Variants in NKAIN2 observed in about 807,000 individuals in gnomAD.
NKAIN2 encodes the protein sodium/potassium-transporting ATPase subunit beta-1-interacting protein 2.
In NKAIN2, 14 loss-of-function variants were observed where a neutral mutation model predicts 32.6. The observed-to-expected ratio is 0.43, with a 90% CI of 0.28 to 0.67. The LOEUF (loss-of-function observed/expected upper bound fraction) is 0.67, where lower values mean the gene tolerates loss of function less well. Ranked by LOEUF, NKAIN2 falls within the 30% of genes least tolerant of loss-of-function variation. The pLI, the probability that NKAIN2 is intolerant of heterozygous loss-of-function variation, is 0.17. For synonymous variants in NKAIN2, 80 were observed against 87.2 expected (o/e 0.92, Z 0.46); for missense variants, 198 against 258.3 (o/e 0.77, Z 1.60).
intron 3 of NKAIN2, among the ~76,000 whole-genome samples, chr6:124,447,961 G>A (rs149897888): frequency 6.6e-6 from 1 of 152,094 alleles, no homozygotes; most frequent in East Asian, 1.9e-4. Context: ...ATGTGTGAAG[G>A]GATACAGTAT....
chr6:124,486,984 G>C (rs1777677743), intron 3 of NKAIN2, among the ~76,000 whole-genome samples: 1 of 152,152 alleles, frequency 6.6e-6, no homozygotes, highest in South Asian at 2.1e-4. Flanking sequence ...GTTGGCTCGA[G>C]ACTGGGTTAA....
chr6:124,800,275 G>A (rs905842854), intron 5 of NKAIN2, among the ~76,000 whole-genome samples: 1 of 152,152 alleles, frequency 6.6e-6, no homozygotes, highest in Non-Finnish European at 1.5e-5. Context: ...CAGCAGGAGG[G>A]CTAAGAAACA....
At chr6:123,851,246 T>TA (rs1775333273) in intron 1 of NKAIN2, among the ~76,000 whole-genome samples, 1 of 118,530 alleles carries the variant, frequency 8.4e-6, no homozygotes, top group Admixed American at 8.4e-5. Flanking sequence ...GTGGTTCTAT[T>TA]TTTTTTTTTT....
chr6:124,620,800 C>T (rs1168480258), intron 3 of NKAIN2, among the ~76,000 whole-genome samples: 1 of 152,102 alleles, frequency 6.6e-6, no homozygotes, highest in African/African-American at 2.4e-5. Context: ...TAAATGAGCA[C>T]AGCCTACCCA....
chr6:124,249,472 G>T (rs189812151), intron 1 of NKAIN2, among the ~76,000 whole-genome samples: 16 of 152,144 alleles, frequency 1.1e-4, no homozygotes, highest in African/African-American at 3.6e-4. Flanking sequence ...TCAATTTATG[G>T]TCCAGGTTCT....
chr6:124,181,386 T>A (rs998733288), intron 1 of NKAIN2, among the ~76,000 whole-genome samples: 19 of 152,182 alleles, frequency 1.2e-4, no homozygotes, highest in African/African-American at 4.6e-4. Context: ...GATTAACATT[T>A]GGCCCCTCAT....
chr6:124,781,057 C>T (rs1181374117), intron 4 of NKAIN2, among the ~76,000 whole-genome samples: 1 of 152,118 alleles, frequency 6.6e-6, no homozygotes, highest in Admixed American at 6.5e-5. Context: ...TCCAGATTTC[C>T]GACTTGGAAA....
chr6:124,213,056 T>A (rs960959627), intron 1 of NKAIN2, among the ~76,000 whole-genome samples: 1 of 152,180 alleles, frequency 6.6e-6, no homozygotes, highest in Non-Finnish European at 1.5e-5. Context: ...CTTCTCTCTC[T>A]GTATCTAAGT....
intron 3 of NKAIN2, among the ~76,000 whole-genome samples, chr6:124,460,332 G>C (rs1776483681): frequency 6.6e-6 from 1 of 151,680 alleles, no homozygotes; most frequent in Admixed American, 6.6e-5. Flanking sequence ...TAATGAGGTG[G>C]TCACAACTGC....
At chr6:124,729,910 C>A (rs902241684) in intron 4 of NKAIN2, among the ~76,000 whole-genome samples, 1 of 150,522 alleles carries the variant, frequency 6.6e-6, no homozygotes, top group Non-Finnish European at 1.5e-5. Flanking sequence ...TCTTATACAC[C>A]AGCAACAGAC....
chr6:124,687,743 TACACACACACAC>T (rs373594549), intron 4 of NKAIN2, among the ~76,000 whole-genome samples: 3 of 104,374 alleles, frequency 2.9e-5, no homozygotes, highest in East Asian at 2.7e-4. Flanking sequence ...ATATGATATA[TACACACACACAC>T]ACACACACAC....
intron 3 of NKAIN2, among the ~76,000 whole-genome samples, chr6:124,442,282 G>C (rs182619373): frequency 2.0e-5 from 3 of 152,066 alleles, no homozygotes; most frequent in African/African-American, 7.2e-5. Context: ...GAGAATTGAA[G>C]ATATGTTAAC....
chr6:124,547,703 T>C lies in NKAIN2; in HGVS notation c.274-110483T>C, dbSNP rs558059342. On this transcript the variant is annotated intron_variant, in intron 3 of 6. Coordinates refer to ENST00000368417, the MANE Select transcript of NKAIN2 (RefSeq NM_001040214.3). The stretch of plus-strand genomic sequence containing the variant: ...GTTTAATGTTTTTGTCTCCTGAAAA[T>C]GTGGGTCAGAATTTTTCTTTAAGAA... Among the ~76,000 whole-genome samples, 30 of 152,260 alleles carry C rather than the reference T, an allele frequency of 2.0e-4. No individual in the cohort carries two copies. In the East Asian group the frequency reaches 5.6e-3, roughly 28 times the overall value.
At chr6:124,168,394 G>C (rs927027245) in intron 1 of NKAIN2, among the ~76,000 whole-genome samples, 2 of 152,058 alleles carry the variant, frequency 1.3e-5, no homozygotes, top group Non-Finnish European at 2.9e-5. Context: ...TGATATTGTA[G>C]TATGGATACT....
chr6:124,164,202 C>T (rs909416158), intron 1 of NKAIN2, among the ~76,000 whole-genome samples: 1 of 151,956 alleles, frequency 6.6e-6, no homozygotes, highest in African/African-American at 2.4e-5. Flanking sequence ...TTCAAATAAA[C>T]TCTTAATATA....
intron 1 of NKAIN2, among the ~76,000 whole-genome samples, chr6:124,255,431 A>G (rs943882312): frequency 6.6e-6 from 1 of 152,204 alleles, no homozygotes; most frequent in Non-Finnish European, 1.5e-5. Context: ...GAAGCAAAGT[A>G]GTTGTCTACC....
intron 3 of NKAIN2, among the ~76,000 whole-genome samples, chr6:124,596,480 A>G (rs1395273283): frequency 6.6e-6 from 1 of 152,162 alleles, no homozygotes; most frequent in East Asian, 1.9e-4. Context: ...CAGCAGCAGA[A>G]TAGCTTGAGA....
intron 1 of NKAIN2, among the ~76,000 whole-genome samples, chr6:124,182,232 G>T (rs1040986052): frequency 6.6e-6 from 1 of 152,120 alleles, no homozygotes. Context: ...CCATGATTCA[G>T]TTACCTCCCA....
intron 2 of NKAIN2, among the ~76,000 whole-genome samples, chr6:124,327,869 A>G (rs1252624006): frequency 1.3e-5 from 2 of 152,186 alleles, no homozygotes; most frequent in Non-Finnish European, 2.9e-5. Flanking sequence ...TATGATCGGA[A>G]TTAAGAGTAG....
Sources: gnomAD v4.1 joint callset for allele counts (sites outside exome capture counted in the v4.1 genomes callset) on GRCh38, gnomAD v4.1.1 for gene constraint, MANE v1.5 for transcripts, NCBI Gene and HGNC (gene_info 2026-07-23, HGNC 2026-07-21) for gene names.